Variants in ENOX1 observed in about 807,000 individuals in gnomAD.
ENOX1 encodes candidate growth-related and time keeping constitutive hydroquinone (NADH) oxidase.
A neutral mutation model predicts 82.5 loss-of-function variants in ENOX1; 42 were observed. The ratio of observed to expected loss-of-function variants is 0.51; its 90% CI spans 0.40 to 0.66. The LOEUF is 0.66. ENOX1 is among the 30% of genes least tolerant of loss of function. The pLI, the probability that ENOX1 is intolerant of heterozygous loss-of-function variation, is 0.00. For missense variants in ENOX1, 608 were observed against 811.6 expected (o/e 0.75, Z 3.05); for synonymous variants, 271 against 282.2 (o/e 0.96, Z 0.40).
intron 10 of ENOX1, among the ~76,000 whole-genome samples, chr13:43,323,410 G>A (rs1323589762): frequency 6.6e-6 from 1 of 152,068 alleles, no homozygotes; most frequent in African/African-American, 2.4e-5. Context: ...TCACAAGTGA[G>A]GAATAATAAT....
chr13:43,215,608 C>A (rs1398350935), intron 16 of ENOX1, among the ~76,000 whole-genome samples: 1 of 152,176 alleles, frequency 6.6e-6, no homozygotes, highest in Non-Finnish European at 1.5e-5. Context: ...AGTGTTTTAT[C>A]AAAGACACAA....
intron 3 of ENOX1, among the ~76,000 whole-genome samples, chr13:43,430,614 T>A (rs961249522): frequency 6.6e-6 from 1 of 152,206 alleles, no homozygotes; most frequent in Non-Finnish European, 1.5e-5. Flanking sequence ...GAATTTTTAA[T>A]GAAGGCACAA....
intron 1 of ENOX1, among the ~76,000 whole-genome samples, chr13:43,673,699 G>T: frequency 6.6e-6 from 1 of 152,176 alleles, no homozygotes; most frequent in East Asian, 1.9e-4. Flanking sequence ...TTTTTGATAA[G>T]ACTACAGTTT....
intron 1 of ENOX1, among the ~76,000 whole-genome samples, chr13:43,693,955 G>A (rs1417248863): frequency 6.6e-6 from 1 of 152,130 alleles, no homozygotes; most frequent in Non-Finnish European, 1.5e-5. Flanking sequence ...GGAGTATGGG[G>A]AAGCTAGGAC....
chr13:43,694,488 C>A (rs2086533124), intron 1 of ENOX1, among the ~76,000 whole-genome samples: 1 of 152,188 alleles, frequency 6.6e-6, no homozygotes, highest in Non-Finnish European at 1.5e-5. Flanking sequence ...TCACACAAGT[C>A]AGTCCTTCTC....
chr13:43,564,240 G>T (rs1020983734), intron 2 of ENOX1, among the ~76,000 whole-genome samples: 1 of 151,982 alleles, frequency 6.6e-6, no homozygotes, highest in Non-Finnish European at 1.5e-5. Flanking sequence ...TGGATTAGAA[G>T]AATTAATATT....
chr13:43,272,421 C>G (rs1338806411), intron 12 of ENOX1, among the ~76,000 whole-genome samples: 1 of 152,134 alleles, frequency 6.6e-6, no homozygotes, highest in Non-Finnish European at 1.5e-5. Context: ...GATGGTTATG[C>G]CAGTCTACCT....
chr13:43,308,906 G>A (rs1309083327), intron 11 of ENOX1, among the ~76,000 whole-genome samples: 2 of 152,318 alleles, frequency 1.3e-5, no homozygotes, highest in South Asian at 4.2e-4. Flanking sequence ...CTCTCAGGAT[G>A]AGCCTCATGT....
At chr13:43,493,962 G>T (rs1366514230) in intron 2 of ENOX1, among the ~76,000 whole-genome samples, 1 of 152,140 alleles carries the variant, frequency 6.6e-6, no homozygotes, top group Non-Finnish European at 1.5e-5. Context: ...GGGAAGCAAG[G>T]CATCTTCTTC....
At chr13:43,749,919 A>C (rs1950224906) in intron 1 of ENOX1, among the ~76,000 whole-genome samples, 1 of 152,252 alleles carries the variant, frequency 6.6e-6, no homozygotes, top group Non-Finnish European at 1.5e-5. Context: ...AATGAATATT[A>C]GAGTCAAATT....
chr13:43,369,912 A>G (rs1041570153), intron 5 of ENOX1, among the ~76,000 whole-genome samples: 4 of 152,200 alleles, frequency 2.6e-5, no homozygotes, highest in African/African-American at 9.7e-5. Context: ...GAGGTGACAC[A>G]TGGAGCATGT....
At chr13:43,587,232 T>C (rs17064745) in intron 2 of ENOX1, among the ~76,000 whole-genome samples, 5,942 of 152,290 alleles carry the variant, frequency 0.039, 379 homozygotes, top group African/African-American at 0.13. Context: ...AAACTACTTC[T>C]ATGCTTTCCT....
chr13:43,292,849 A>AC (rs2046078752), intron 12 of ENOX1, among the ~76,000 whole-genome samples: 1 of 151,756 alleles, frequency 6.6e-6, no homozygotes, highest in South Asian at 2.1e-4. Context: ...CATCACAGTC[A>AC]CCATTTCTAC....
At chr13:43,713,854 C>T (rs1454994199) in intron 1 of ENOX1, among the ~76,000 whole-genome samples, 1 of 151,628 alleles carries the variant, frequency 6.6e-6, no homozygotes, top group Non-Finnish European at 1.5e-5. Context: ...TTGATCCTTT[C>T]AAAAAACCAG....
intron 1 of ENOX1, among the ~76,000 whole-genome samples, chr13:43,734,797 T>C (rs1294181077): frequency 6.6e-6 from 1 of 152,148 alleles, no homozygotes; most frequent in Non-Finnish European, 1.5e-5. Flanking sequence ...GTTTGCTCGG[T>C]TTGGAACAAA....
chr13:43,359,671 A>T, intron 7 of ENOX1, 180 bp downstream of exon 7: 1 of 599,734 alleles, frequency 1.7e-6, no homozygotes, highest in Non-Finnish European at 2.9e-6. Flanking sequence ...CCTGCAGTGA[A>T]GTACCTTCAC....
intron 13 of ENOX1, among the ~76,000 whole-genome samples, chr13:43,269,116 T>C (rs1424502745): frequency 3.3e-5 from 5 of 152,244 alleles, no homozygotes; most frequent in African/African-American, 1.2e-4. Context: ...TCATGGGTTA[T>C]GCTGAACTCA....
intron 14 of ENOX1, among the ~76,000 whole-genome samples, chr13:43,246,391 G>T (rs1194464858): frequency 1.3e-5 from 2 of 152,218 alleles, no homozygotes; most frequent in Non-Finnish European, 2.9e-5. Flanking sequence ...GCTGCCTATA[G>T]TCCTAGCTCA....
intron 1 of ENOX1, among the ~76,000 whole-genome samples, chr13:43,676,741 C>T (rs1373000437): frequency 6.6e-6 from 1 of 152,172 alleles, no homozygotes; most frequent in African/African-American, 2.4e-5. Context: ...AGAACACCCA[C>T]AGAAAGGGGT....
Sources: gnomAD v4.1 joint callset for allele counts (sites outside exome capture counted in the v4.1 genomes callset) on GRCh38, gnomAD v4.1.1 for gene constraint, MANE v1.5 for transcripts, NCBI Gene and HGNC (gene_info 2026-07-23, HGNC 2026-07-21) for gene names.